PCDH7: variants seen among roughly 807,000 people sequenced by gnomAD.
PCDH7 encodes the protein protocadherin-7.
Under a neutral mutation model 58.9 loss-of-function variants are expected in PCDH7, and 17 were observed. That is an observed-to-expected ratio of 0.29 (90% CI 0.20 to 0.43). The LOEUF (loss-of-function observed/expected upper bound fraction) is 0.43, where lower values mean the gene tolerates loss of function less well. Ranked by LOEUF, PCDH7 falls within the 20% of genes least tolerant of loss-of-function variation. The pLI, the probability that PCDH7 is intolerant of heterozygous loss-of-function variation, is 1.00. For synonymous variants in PCDH7, 664 were observed against 616.4 expected, an observed-to-expected ratio of 1.08 and a Z score of -1.14; for missense variants, 1,274 against 1,441.0, an observed-to-expected ratio of 0.88 and a Z score of 1.88.
At chr4:31,075,575 G>T (rs1499471) in intron 3 of PCDH7, among the ~76,000 whole-genome samples, 32,817 of 152,092 alleles carry the variant, frequency 0.22, 3,686 homozygotes, top group South Asian at 0.28. Flanking sequence ...TGCACTAGGA[G>T]TGAGAAACAA....
At chr4:30,731,074 C>T in exon 2 of PCDH7, 1 of 1,130,592 alleles carries the variant, frequency 8.8e-7, no homozygotes, top group Non-Finnish European at 1.1e-6. Flanking sequence ...TTAGACGTAA[C>T]AGTGATGTCT....
At chr4:30,971,843 G>A (rs1158631492) in intron 3 of PCDH7, among the ~76,000 whole-genome samples, 1 of 152,086 alleles carries the variant, frequency 6.6e-6, no homozygotes, top group Non-Finnish European at 1.5e-5. Context: ...ATGCCTGTGG[G>A]GGCAACAACT....
intron 3 of PCDH7, among the ~76,000 whole-genome samples, chr4:31,088,979 T>C (rs987488487): frequency 1.1e-4 from 17 of 152,100 alleles, no homozygotes; most frequent in African/African-American, 4.1e-4. Context: ...ACTTTAGGTA[T>C]TCTATCTTTA....
intron 3 of PCDH7, among the ~76,000 whole-genome samples, chr4:30,972,058 T>C (rs1749635161): frequency 6.6e-6 from 1 of 152,188 alleles, no homozygotes; most frequent in Non-Finnish European, 1.5e-5. Flanking sequence ...ACTTAACATT[T>C]AGGGAGCACC....
At chr4:30,741,254 G>GTT (rs774299106) in intron 1 of PCDH7, among the ~76,000 whole-genome samples, 23 of 145,760 alleles carry the variant, frequency 1.6e-4, no homozygotes, top group Non-Finnish European at 3.0e-4. Flanking sequence ...ACAGTAGATG[G>GTT]TTTTTTTTTT....
intron 1 of PCDH7, among the ~76,000 whole-genome samples, chr4:30,787,599 T>G (rs1487907759): frequency 6.6e-6 from 1 of 152,060 alleles, no homozygotes; most frequent in Non-Finnish European, 1.5e-5. Context: ...AATAAGAAAC[T>G]GTCCTTTTAA....
chr4:31,136,180 A>G (rs1719573867), intron 3 of PCDH7, among the ~76,000 whole-genome samples: 1 of 152,170 alleles, frequency 6.6e-6, no homozygotes, highest in Non-Finnish European at 1.5e-5. Context: ...AGAGGAAAAA[A>G]TCTCTACCTC....
intron 1 of PCDH7, among the ~76,000 whole-genome samples, chr4:30,746,821 C>T (rs1285778610): frequency 6.6e-6 from 1 of 152,076 alleles, no homozygotes; most frequent in East Asian, 1.9e-4. Context: ...CCTTTTCAAT[C>T]ATTTCACTTC....
At chr4:30,923,084 T>C (rs1743395375) in intron 2 of PCDH7, among the ~76,000 whole-genome samples, 1 of 152,162 alleles carries the variant, frequency 6.6e-6, no homozygotes, top group Non-Finnish European at 1.5e-5. Context: ...AGGATTTGTA[T>C]TGGATTTTCA....
intron 1 of PCDH7, among the ~76,000 whole-genome samples, chr4:30,820,818 G>T (rs541570107): frequency 5.5e-4 from 84 of 152,120 alleles, no homozygotes; most frequent in Non-Finnish European, 1.1e-3. Context: ...GACTTTATTA[G>T]CGATGACACA....
At chr4:30,898,731 C>T (rs1739786739) in intron 1 of PCDH7, among the ~76,000 whole-genome samples, 1 of 152,164 alleles carries the variant, frequency 6.6e-6, no homozygotes, top group African/African-American at 2.4e-5. Flanking sequence ...GCTGGGACTA[C>T]AGGCGCCCGC....
chr4:30,723,574 G>A lies in PCDH7; in HGVS notation c.2152G>A (p.Gly718Arg). 6.2e-7 allele frequency: 1 copy of A among 1,614,090 alleles called. No homozygotes were observed. Among genetic ancestry groups the A allele is most frequent in the Non-Finnish European group, 8.5e-7 (1 of 1,179,996 alleles). Residue 718 changes from glycine (G) to arginine (R), a missense_variant, in exon 1 of 2, where the codon GGA (glycine) becomes AGA (arginine). Gly to Arg is a moderately radical substitution (Grantham distance 125). Around this residue, in one of 3 missense-constraint regions of PCDH7, gnomAD observed 731 missense variants for 881.9 expected, o/e 0.83. Transcript: ENST00000361762. This position sits in a 1 kb window ranked among gnomAD's most constrained non-coding sequence, Gnocchi z 4.6. ...TTTCAGAGTCAAGGCTGTGGATGGGGGAGATCCTCCCAGATCTGCCACAGC... is the reference window on the plus strand; with the variant it reads ...TTTCAGAGTCAAGGCTGTGGATGGGAGAGATCCTCCCAGATCTGCCACAGC...
At chr4:31,073,258 T>C (rs572473276) in intron 3 of PCDH7, among the ~76,000 whole-genome samples, 1 of 152,276 alleles carries the variant, frequency 6.6e-6, no homozygotes, top group East Asian at 1.9e-4. Context: ...AGCAAAAAGA[T>C]CTTATTTGAA....
intron 3 of PCDH7, among the ~76,000 whole-genome samples, chr4:30,964,250 A>AT (rs61539074): frequency 1.8e-4 from 19 of 106,782 alleles, no homozygotes; most frequent in East Asian, 1.5e-3. Context: ...TTATTTATTT[A>AT]TTTTTTTTTG....
chr4:30,726,324 C>A (rs148984683), intron 1 of PCDH7, among the ~76,000 whole-genome samples: 1 of 152,148 alleles, frequency 6.6e-6, no homozygotes, highest in African/African-American at 2.4e-5. Context: ...CGGTTCTTAT[C>A]CTAATGGTAC....
At chr4:31,048,884 AG>A (rs1319120993) in intron 3 of PCDH7, among the ~76,000 whole-genome samples, 2 of 152,146 alleles carry the variant, frequency 1.3e-5, no homozygotes, top group Admixed American at 1.3e-4. Flanking sequence ...ACAATGTAAA[AG>A]GACAAATTGC....
chr4:30,926,388 G>A (rs1304178932), intron 2 of PCDH7, among the ~76,000 whole-genome samples: 1 of 152,070 alleles, frequency 6.6e-6, no homozygotes, highest in East Asian at 1.9e-4. Context: ...GTTTCACCAT[G>A]TTAGCTAGGA....
exon 2 of PCDH7, chr4:30,731,481 T>A (rs1715494674): frequency 6.6e-6 from 1 of 152,134 alleles, no homozygotes; most frequent in South Asian, 2.1e-4. Flanking sequence ...GATTTTTTTC[T>A]TAATCTTGAA....
At chr4:30,821,716 T>C (rs1190220554) in intron 1 of PCDH7, among the ~76,000 whole-genome samples, 5 of 152,174 alleles carry the variant, frequency 3.3e-5, no homozygotes, top group Non-Finnish European at 7.4e-5. Context: ...TGGTCTGTGT[T>C]CATGGGAACC....
Sources: allele counts gnomAD v4.1 joint callset (sites outside exome capture counted in the v4.1 genomes callset), GRCh38; gene constraint gnomAD v4.1.1; regional missense constraint gnomAD v4.1.1; non-coding constraint Gnocchi (gnomAD v3.1); transcripts MANE v1.5; gene names NCBI Gene and HGNC (gene_info 2026-07-23, HGNC 2026-07-21).